The following NIPAL2 variants were observed in gnomAD, a reference collection of about 807,000 sequenced individuals.
NIPAL2 encodes NIPA-like protein 2.
NIPAL2 carries 43 observed loss-of-function variants against 48.9 expected under a neutral mutation model. The observed-to-expected ratio is 0.88, with a 90% CI of 0.69 to 1.13. The LOEUF (loss-of-function observed/expected upper bound fraction) is 1.13. Among genes scored for constraint, NIPAL2 ranks in the 50% most tolerant of loss-of-function variants. The probability of loss-of-function intolerance (pLI) is 0.00; values close to 1 mark genes in which losing one functional copy is unlikely to be tolerated. For missense variants in NIPAL2, 446 were observed against 461.4 expected (o/e 0.97, Z 0.31); for synonymous variants, 167 against 174.6 (o/e 0.96, Z 0.34).
intron 1 of NIPAL2, among the ~76,000 whole-genome samples, chr8:98,290,791 C>T (rs562800941): frequency 6.6e-6 from 1 of 152,166 alleles, no homozygotes; most frequent in South Asian, 2.1e-4. Flanking sequence ...AAAAGAGAAC[C>T]AAGAGAGCTG....
At position 98,232,004 on chromosome 8, in the gene NIPAL2, TA is replaced by T. The variant is rs200845427; in HGVS notation, c.436+4150del. The T allele has an allele frequency of 6.7e-5, 10 of 148,992 alleles. No individual in the cohort carries two copies. In the East Asian group the frequency reaches 2.0e-3, roughly 30 times the overall value. 9.2% of individuals were successfully genotyped at this position (148,992 alleles called of 1,614,324 possible). A position where few individuals can be genotyped will look rare whatever the true frequency, so the allele number is the denominator to read the frequency against. On this transcript the variant is annotated intron_variant, in intron 4 of 10. Transcript: ENST00000430223. ...CCTATAAAGAAAAAGATGCTTTTTT[TA>T]AAAAATTTTTTTTTTGCTTTTAGCA...
chr8:98,283,733 G>A (rs1392122353), intron 1 of NIPAL2, among the ~76,000 whole-genome samples: 2 of 152,158 alleles, frequency 1.3e-5, no homozygotes, highest in African/African-American at 2.4e-5. Context: ...TTTCCGGAGT[G>A]CATACTCTAT....
intron 8 of NIPAL2, among the ~76,000 whole-genome samples, chr8:98,201,976 C>T (rs908209978): frequency 6.6e-6 from 1 of 152,110 alleles, no homozygotes; most frequent in Non-Finnish European, 1.5e-5. Flanking sequence ...AATGAACTCT[C>T]AAGATCAAGA....
intron 6 of NIPAL2, among the ~76,000 whole-genome samples, chr8:98,210,457 G>A (rs951068470): frequency 1.3e-5 from 2 of 152,254 alleles, no homozygotes. Flanking sequence ...TGTGATCTGA[G>A]GATGTGGTCT....
At chr8:98,205,064 A>G in intron 7 of NIPAL2, 47 bp downstream of exon 7, 1 of 1,595,628 alleles carries the variant, frequency 6.3e-7, no homozygotes, top group South Asian at 1.1e-5. Context: ...TGCCCAGAGA[A>G]GCACCGGAAT....
intron 3 of NIPAL2, among the ~76,000 whole-genome samples, chr8:98,250,975 T>A (rs1813557140): frequency 6.6e-6 from 1 of 152,122 alleles, no homozygotes; most frequent in Non-Finnish European, 1.5e-5. Flanking sequence ...CGCATTTCTG[T>A]GAAATCTCTG....
chr8:98,289,051 A>T (rs60359222), intron 1 of NIPAL2, among the ~76,000 whole-genome samples: 7,272 of 152,170 alleles, frequency 0.048, 416 homozygotes, highest in African/African-American at 0.13. Context: ...ATTTTAATCT[A>T]TAGGTCATCC....
intron 10 of NIPAL2, chr8:98,193,519 T>C (rs1161172114): frequency 8.5e-7 from 1 of 1,172,300 alleles, no homozygotes; most frequent in East Asian, 2.3e-5. Flanking sequence ...AAATAAAAAA[T>C]AGAGTTAAAA....
intron 1 of NIPAL2, among the ~76,000 whole-genome samples, chr8:98,254,579 A>G (rs568633782): frequency 1.5e-4 from 23 of 152,328 alleles, no homozygotes; most frequent in African/African-American, 5.5e-4. Flanking sequence ...ATTGGATAAG[A>G]TGTTTCCAGA....
At chr8:98,200,859 T>A (rs1406429750) in intron 8 of NIPAL2, among the ~76,000 whole-genome samples, 1 of 152,228 alleles carries the variant, frequency 6.6e-6, no homozygotes, top group African/African-American at 2.4e-5. Flanking sequence ...GATTTGCATT[T>A]CCCTTATGAT....
intron 5 of NIPAL2, among the ~76,000 whole-genome samples, chr8:98,215,255 TTA>T (rs1434012424): frequency 2.0e-5 from 3 of 152,254 alleles, no homozygotes; most frequent in Non-Finnish European, 2.9e-5. Context: ...TGAGTTCCCA[TTA>T]TTCACAGAAT....
rs191311378 is a variant in NIPAL2 at position 98,231,184 on chromosome 8, A to G, written c.436+4971T>C. 5.3e-5 allele frequency among the ~76,000 whole-genome samples: 8 copies of G among 152,290 alleles called. No homozygotes were observed. In the East Asian group the frequency reaches 1.2e-3, roughly 22 times the overall value. On this transcript the variant is annotated intron_variant, in intron 4 of 10. Coordinates refer to ENST00000430223, the MANE Select transcript of NIPAL2 (RefSeq NM_001321635.2). ...CAGTCTCTCTGGATTCCTCAGGCTT[A>G]TGGTAGCTAAACCTTGAAGGACCCC... is the stretch of plus-strand genomic sequence containing the variant.
intron 1 of NIPAL2, among the ~76,000 whole-genome samples, chr8:98,264,976 A>G (rs199742260): frequency 1.4e-5 from 2 of 145,924 alleles, no homozygotes; most frequent in South Asian, 2.3e-4. Flanking sequence ...AAATAACGCC[A>G]CATATCTACA....
intron 8 of NIPAL2, among the ~76,000 whole-genome samples, 158 bp from the exon 9 acceptor site, chr8:98,196,163 A>T (rs1438153911): frequency 6.6e-6 from 1 of 152,242 alleles, no homozygotes; most frequent in African/African-American, 2.4e-5. Context: ...GAAAATTTGC[A>T]TGCCACACAT....
At chr8:98,279,706 A>G (rs1453638802) in intron 1 of NIPAL2, among the ~76,000 whole-genome samples, 3 of 152,206 alleles carry the variant, frequency 2.0e-5, no homozygotes, top group South Asian at 2.1e-4. Flanking sequence ...ATGTACCACA[A>G]TTTTTTAATT....
At chr8:98,238,533 C>G (rs1008289381) in intron 3 of NIPAL2, among the ~76,000 whole-genome samples, 1 of 151,608 alleles carries the variant, frequency 6.6e-6, no homozygotes, top group African/African-American at 2.4e-5. Context: ...TCTGATGTTC[C>G]GGCAATTTAT....
intron 1 of NIPAL2, 64 bp downstream of exon 1, chr8:98,293,939 G>A (rs924748343): frequency 7.5e-7 from 1 of 1,332,208 alleles, no homozygotes; most frequent in South Asian, 1.8e-5. Context: ...GCGCAGAGGC[G>A]CCCGGAGCCA....
At chr8:98,276,430 A>T (rs1299808212) in intron 1 of NIPAL2, among the ~76,000 whole-genome samples, 1 of 152,048 alleles carries the variant, frequency 6.6e-6, no homozygotes, top group African/African-American at 2.4e-5. Context: ...ATAATATTCC[A>T]TTATCTGGAT....
At chr8:98,290,955 T>C (rs1362550203) in intron 1 of NIPAL2, among the ~76,000 whole-genome samples, 1 of 152,250 alleles carries the variant, frequency 6.6e-6, no homozygotes, top group African/African-American at 2.4e-5. Context: ...GTTGGCAATG[T>C]ATTGAAGACT....
Sources: allele counts gnomAD v4.1 joint callset (sites outside exome capture counted in the v4.1 genomes callset), GRCh38; gene constraint gnomAD v4.1.1; transcripts MANE v1.5; gene names NCBI Gene and HGNC (gene_info 2026-07-23, HGNC 2026-07-21).